WDR86: variants seen among roughly 807,000 people sequenced by gnomAD.
WDR86 encodes the protein WD repeat domain 86, also known as WD repeat-containing protein 86.
In WDR86, 30 loss-of-function variants were observed where a neutral mutation model predicts 36.5. The observed-to-expected ratio is 0.82, with a 90% CI of 0.61 to 1.11. The LOEUF is 1.11. Ranked by LOEUF, WDR86 falls within the 50% of genes most tolerant of loss-of-function variation. WDR86 has a pLI of 0.00. For synonymous variants in WDR86, 255 were observed against 252.9 expected (o/e 1.01, Z -0.08); for missense variants, 545 against 561.2 (o/e 0.97, Z 0.29).
chr7:151,399,139 T>C (rs909208093), intron 2 of WDR86, among the ~76,000 whole-genome samples: 29 of 152,162 alleles, frequency 1.9e-4, no homozygotes, highest in African/African-American at 6.8e-4. Flanking sequence ...CCATTCACTC[T>C]AAAAAGTCCC....
rs1366656366 is a variant in WDR86, at chr7:151,405,576, G to C, written c.163+3851C>G. On this transcript the variant is annotated intron_variant, in intron 1 of 5. Transcript: ENST00000334493. This position sits in a 1 kb window ranked among gnomAD's most constrained non-coding sequence, Gnocchi z 4.7. Reference sequence around the variant, plus strand: ...CAGCGTGGCTGGAATGGACACTGACGTGGCCACCAGAGACTTGTAGCAAAT... The same window carrying C: ...CAGCGTGGCTGGAATGGACACTGACCTGGCCACCAGAGACTTGTAGCAAAT... Among the ~76,000 whole-genome samples, 1 of 152,206 alleles carries C rather than the reference G, an allele frequency of 6.6e-6. No homozygotes were observed. Among genetic ancestry groups the C allele is most frequent in the Non-Finnish European group, 1.5e-5 (1 of 68,040 alleles).
At position 151,409,833 on chromosome 7, in the gene WDR86, TAG is replaced by T; in HGVS notation, c.-246_-245del. 1.4e-5 allele frequency: 18 copies of T among 1,243,306 alleles called. No homozygotes were observed. Among genetic ancestry groups the T allele is most frequent in the Non-Finnish European group, 1.6e-5 (16 of 995,778 alleles). The allele number at this position is 1,243,306 out of a possible 1,614,324, so 77.0% of individuals were successfully genotyped here. On this transcript the variant is annotated 5_prime_UTR_variant, in exon 1 of 6. Coordinates refer to ENST00000334493, the MANE Select transcript of WDR86 (RefSeq NM_198285.3). This position sits in a 1 kb window ranked among gnomAD's most constrained non-coding sequence, Gnocchi z 5.2. ...GCCCACTCGGGACCTCCGCCCTGGG[TAG>T]AGTCCTGGGCGCGCGGGCAGAGAGA...
chr7:151,383,331 G>C (rs991381927), intron 4 of WDR86, among the ~76,000 whole-genome samples: 1 of 152,044 alleles, frequency 6.6e-6, no homozygotes, highest in African/African-American at 2.4e-5. Flanking sequence ...AAAATTAGCT[G>C]GGTGTGGTGG....
rs1800275168 is a variant in WDR86 at position 151,401,333 on chromosome 7, C to T, written c.164-1092G>A. 6.6e-6 allele frequency among the ~76,000 whole-genome samples: 1 copy of T among 152,248 alleles called. No homozygotes were observed. The highest frequency in any genetic ancestry group is 1.5e-5 in the Non-Finnish European group (1 of 68,048). ...ACTGAGGTTTCACAGCAGCCATCAACAGCAGGAGCAATCCAGGGGCACTCG... is the reference window on the plus strand; with the variant it reads ...ACTGAGGTTTCACAGCAGCCATCAATAGCAGGAGCAATCCAGGGGCACTCG... On this transcript the variant is annotated intron_variant, in intron 1 of 5. Transcript: ENST00000334493. The surrounding 1 kb of genome is among the most constrained non-coding windows in gnomAD (Gnocchi z 4.3).
At chr7:151,370,856 A>G in the WDR86 span, among the ~76,000 whole-genome samples, 1 of 152,066 alleles carries the variant, frequency 6.6e-6, no homozygotes, top group Non-Finnish European at 1.5e-5. Context: ...AGCATCTGGA[A>G]AGCTAGTGTT....
chr7:151,398,732 G>A (rs1239237268), intron 2 of WDR86, among the ~76,000 whole-genome samples: 1 of 152,172 alleles, frequency 6.6e-6, no homozygotes. Context: ...TGTGTAAGTT[G>A]TGTGTGCACA....
chr7:151,385,892 T>C (rs1034830195), intron 3 of WDR86, among the ~76,000 whole-genome samples: 1 of 152,156 alleles, frequency 6.6e-6, no homozygotes, highest in African/African-American at 2.4e-5. Context: ...CGGAGACTAT[T>C]AAAATAATTC....
intron 3 of WDR86, among the ~76,000 whole-genome samples, chr7:151,395,270 G>T (rs1799728308): frequency 6.6e-6 from 1 of 152,220 alleles, no homozygotes; most frequent in Non-Finnish European, 1.5e-5. Flanking sequence ...CGCCCTGCAG[G>T]CAGGCTCCGC....
downstream of WDR86, chr7:151,374,465 G>A (rs1018339823): frequency 5.3e-5 from 33 of 624,036 alleles, no homozygotes; most frequent in Non-Finnish European, 7.9e-5. Context: ...GCTCCAAAAC[G>A]TGGTGCCTGT....
In WDR86 at chr7:151,381,939, G is replaced by A. The variant is rs747027639; in HGVS notation, c.905C>T (p.Ala302Val). Reference sequence around the variant, plus strand: ...CACCCTCCGCAGCTCTCCAGACTGCGCGTCGAAGGCCCGGGCGCAAGCGTC... The same window carrying A: ...CACCCTCCGCAGCTCTCCAGACTGCACGTCGAAGGCCCGGGCGCAAGCGTC... ...SGDACARAFD[A>V]QSGELRRVFR... Residue 302 changes from alanine (A) to valine (V), a missense_variant, in exon 5 of 6, where the codon GCG becomes GTG. Coordinates refer to ENST00000334493, the MANE Select transcript of WDR86 (RefSeq NM_198285.3). This position sits in a 1 kb window ranked among gnomAD's most constrained non-coding sequence, Gnocchi z 4.8. The A allele has an allele frequency of 1.9e-6, 3 of 1,609,242 alleles. No homozygotes were observed. In the African/African-American group the frequency reaches 4.0e-5, roughly 22 times the overall value.
Position 151,381,255 on chromosome 7 carries a change from G to A in WDR86, c.*327C>T. ...AGCAGGAAAGGCCCAGTTTCGTGGG[G>A]CTGGGGGAGCTGGGGCAGTCCGCCT... On this transcript the variant is annotated 3_prime_UTR_variant, in exon 6 of 6. Transcript: ENST00000334493. This position sits in a 1 kb window ranked among gnomAD's most constrained non-coding sequence, Gnocchi z 4.8. 1 of 1,307,942 alleles carries A rather than the reference G, an allele frequency of 7.6e-7. No homozygotes were observed. Among genetic ancestry groups the A allele is most frequent in the South Asian group, 2.3e-5 (1 of 43,578 alleles). The allele number at this position is 1,307,942 out of a possible 1,614,324, so 81.0% of individuals were successfully genotyped here.
At position 151,381,311 on chromosome 7, in the gene WDR86, C is replaced by T. The variant is rs1403268422; in HGVS notation, c.*271G>A. ...CCCTGAGGTGGGAGGGTCCCCAGGA[C>T]TAGGCCTTTCGCCAGGTCAGGGATG... On this transcript the variant is annotated 3_prime_UTR_variant, in exon 6 of 6. Transcript: ENST00000334493. This position sits in a 1 kb window ranked among gnomAD's most constrained non-coding sequence, Gnocchi z 4.8. 4 of 1,345,768 alleles carry T rather than the reference C, an allele frequency of 3.0e-6. No homozygotes were observed. Among genetic ancestry groups the T allele is most frequent in the Non-Finnish European group, 2.8e-6 (3 of 1,054,592 alleles). 83.4% of individuals were successfully genotyped at this position (1,345,768 alleles called of 1,614,324 possible).
At chr7:151,382,858 G>T (rs1457395034) in intron 4 of WDR86, among the ~76,000 whole-genome samples, 1 of 152,204 alleles carries the variant, frequency 6.6e-6, no homozygotes, top group Non-Finnish European at 1.5e-5. Flanking sequence ...GGTAACTACG[G>T]TGGGCAGCTA....
In WDR86 at chr7:151,396,820, G is replaced by A. The variant is rs115067655; in HGVS notation, c.306-624C>T. Among the ~76,000 whole-genome samples the A allele has an allele frequency of 4.7e-3, 710 of 152,334 alleles. 7 individuals carry two copies. Among genetic ancestry groups the A allele is most frequent in the African/African-American group, 0.017 (698 of 41,574 alleles). On this transcript the variant is annotated intron_variant, in intron 2 of 5. Transcript: ENST00000334493. The stretch of plus-strand genomic sequence containing the variant: ...CAGCCAGTGGGGGCCTCTGCTGCCA[G>A]CTCTCACAGCAATCCCCATGCAGAC...
rs1261927561 is a variant in WDR86 at position 151,388,061 on chromosome 7, CCCGCCGG to C, written c.727-2845_727-2839del. ...CCCCAAAACGCAGGTGCAATCTCTG[CCCGCCGG>C]CTCCTCAGGGTTGGGTGAGACTCAT... On this transcript the variant is annotated intron_variant, in intron 3 of 5. Transcript: ENST00000334493. The surrounding 1 kb of genome is among the most constrained non-coding windows in gnomAD (Gnocchi z 4.2). 6.6e-6 allele frequency among the ~76,000 whole-genome samples: 1 copy of C among 152,228 alleles called. No individual in the cohort carries two copies. The highest frequency in any genetic ancestry group is 1.5e-5 in the Non-Finnish European group (1 of 68,032).
At chr7:151,377,073 G>C (rs1174581865), downstream of WDR86, 1 of 1,568,128 alleles carries the variant, frequency 6.4e-7, no homozygotes, top group Non-Finnish European at 8.6e-7. Flanking sequence ...AACAGACGAA[G>C]ACATGGAGAC....
chr7:151,402,089 A>ATATATATATATATATATATATATC (rs1213348920), intron 1 of WDR86, among the ~76,000 whole-genome samples: 3 of 124,322 alleles, frequency 2.4e-5, no homozygotes, highest in South Asian at 2.5e-4. Context: ...ATATATATAT[A>ATATATATATATATATATATATATC]TATCTCCACA....
rs1224800541 is a variant in WDR86 at position 151,409,410 on chromosome 7, G to T, written c.163+17C>A. On this transcript the variant is annotated intron_variant, in intron 1 of 5. Coordinates refer to ENST00000334493, the MANE Select transcript of WDR86 (RefSeq NM_198285.3). This position sits in a 1 kb window ranked among gnomAD's most constrained non-coding sequence, Gnocchi z 5.2. ...GAGCTGCGGCGAAGAGGTCAGGGAGGGAGTGGGAGGGTCTACCTTGCAGGA... is the reference window on the plus strand; with the variant it reads ...GAGCTGCGGCGAAGAGGTCAGGGAGTGAGTGGGAGGGTCTACCTTGCAGGA... 1.2e-5 allele frequency: 19 copies of T among 1,555,156 alleles called. No individual in the cohort carries two copies. The highest frequency in any genetic ancestry group is 1.4e-5 in the Non-Finnish European group (16 of 1,152,936).
downstream of WDR86, among the ~76,000 whole-genome samples, chr7:151,373,236 G>T (rs1798041974): frequency 6.6e-6 from 1 of 152,168 alleles, no homozygotes. Context: ...ACTTAACTTT[G>T]TTGAAAGCTT....
Sources: gnomAD v4.1 joint callset for allele counts (sites outside exome capture counted in the v4.1 genomes callset) on GRCh38, gnomAD v4.1.1 for gene constraint, Gnocchi (gnomAD v3.1) non-coding constraint, MANE v1.5 for transcripts, NCBI Gene and HGNC (gene_info 2026-07-23, HGNC 2026-07-21) for gene names.